SCN8A: variants seen among roughly 807,000 people sequenced by gnomAD.
SCN8A encodes sodium voltage-gated channel alpha subunit 8, also known as sodium channel protein type 8 subunit alpha.
Under a neutral mutation model 184.1 loss-of-function variants are expected in SCN8A, and 30 were observed. That is an observed-to-expected ratio of 0.16 (90% CI 0.12 to 0.22). The LOEUF (loss-of-function observed/expected upper bound fraction) is 0.22. Ranked by LOEUF, SCN8A falls within the 10% of genes least tolerant of loss-of-function variation. The pLI, the probability that SCN8A is intolerant of heterozygous loss-of-function variation, is 1.00. For synonymous variants in SCN8A, 852 were observed against 907.0 expected, an observed-to-expected ratio of 0.94 and a Z score of 1.09; for missense variants, 1,057 against 2,498.9, an observed-to-expected ratio of 0.42 and a Z score of 12.30.
In SCN8A at chr12:51,751,606, A is replaced by G. The variant is rs1565910897; in HGVS notation, c.2370+13A>G. ...TGTAGGAAATCTGGTAAGATGGAAC[A>G]CTGTCTCCCGATATTAGGATTGGAA... On this transcript the variant is annotated intron_variant, in intron 14 of 26. Coordinates refer to ENST00000627620, the MANE Select transcript of SCN8A (RefSeq NM_001330260.2). 2.6e-6 allele frequency: 4 copies of G among 1,564,788 alleles called. No individual in the cohort carries two copies. The Admixed American group carries it at 6.7e-5, about 26-fold the overall frequency.
chr12:51,598,596 C>G (rs1329325746), intron 1 of SCN8A, among the ~76,000 whole-genome samples: 1 of 152,146 alleles, frequency 6.6e-6, no homozygotes, highest in Non-Finnish European at 1.5e-5. Flanking sequence ...GCTCTGTTGA[C>G]AGTTTCTCTT....
At chr12:51,780,973 C>T (rs1240200228) in intron 21 of SCN8A, among the ~76,000 whole-genome samples, 1 of 152,166 alleles carries the variant, frequency 6.6e-6, no homozygotes, top group Non-Finnish European at 1.5e-5. Context: ...ATATTGGCCC[C>T]ACCCCCAACA....
chr12:51,679,315 C>T (rs1282158523), intron 2 of SCN8A, among the ~76,000 whole-genome samples: 1 of 152,128 alleles, frequency 6.6e-6, no homozygotes, highest in Middle Eastern at 3.2e-3. Flanking sequence ...TGGACTTAGT[C>T]AGGAACTAAT....
At position 51,808,338 on chromosome 12, in the gene SCN8A, C is replaced by A. The variant is rs775602388; in HGVS notation, c.*909C>A. ...ACAACAAAAAACAAACCCAATCCAACAAGCAGATGGATCCGTTGCGTGTAT... is the reference window on the plus strand; with the variant it reads ...ACAACAAAAAACAAACCCAATCCAAAAAGCAGATGGATCCGTTGCGTGTAT... On this transcript the variant is annotated 3_prime_UTR_variant, in exon 27 of 27. Coordinates refer to ENST00000627620, the MANE Select transcript of SCN8A (RefSeq NM_001330260.2). The A allele has an allele frequency of 6.6e-6, 1 of 152,630 alleles. No individual in the cohort carries two copies. The highest frequency in any genetic ancestry group is 1.5e-5 in the Non-Finnish European group (1 of 68,060). The allele number at this position is 152,630 out of a possible 1,614,324, so 9.5% of individuals were successfully genotyped here. A position where few individuals can be genotyped will look rare whatever the true frequency, so the allele number is the denominator to read the frequency against.
intron 1 of SCN8A, among the ~76,000 whole-genome samples, chr12:51,643,661 G>A (rs1222873745): frequency 6.6e-6 from 1 of 152,160 alleles, no homozygotes; most frequent in Non-Finnish European, 1.5e-5. Context: ...AGGTGGACTT[G>A]AGGCTCATTC....
chr12:51,801,830 G>A (rs982677710), intron 26 of SCN8A, among the ~76,000 whole-genome samples: 3 of 152,110 alleles, frequency 2.0e-5, no homozygotes, highest in South Asian at 2.1e-4. Flanking sequence ...TGAGGGGGGC[G>A]GATCACTTGA....
intron 15 of SCN8A, among the ~76,000 whole-genome samples, chr12:51,763,751 G>T (rs1286113136): frequency 1.3e-5 from 2 of 152,130 alleles, no homozygotes; most frequent in East Asian, 3.8e-4. Flanking sequence ...TTATCCTGGG[G>T]GTATCCCACT....
intron 1 of SCN8A, among the ~76,000 whole-genome samples, chr12:51,602,688 A>G (rs1321876421): frequency 1.3e-5 from 2 of 152,186 alleles, no homozygotes; most frequent in Non-Finnish European, 2.9e-5. Context: ...CAGATTTTGG[A>G]CAAGAGGGTA....
chr12:51,722,230 GT>G, intron 12 of SCN8A: 1 of 457,244 alleles, frequency 2.2e-6, no homozygotes, highest in Non-Finnish European at 3.9e-6. Context: ...TTATTTTACC[GT>G]TTTCTTTCTC....
chr12:51,780,625 TTTTTCTCTTC>T lies in SCN8A; in HGVS notation c.3820-22_3820-13del, dbSNP rs1937889055. On this transcript the variant is annotated splice_polypyrimidine_tract_variant and intron_variant, in intron 20 of 26. Coordinates refer to ENST00000627620, the MANE Select transcript of SCN8A (RefSeq NM_001330260.2). ...TTTTTGGTTACCTTTTTTGTTTTTG[TTTTTCTCTTC>T]TGTTTCTGTGTAGGTCTCTTTAGTC... The T allele has an allele frequency of 7.8e-7, 1 of 1,289,478 alleles. No individual in the cohort carries two copies. The highest frequency in any genetic ancestry group is 1.0e-6 in the Non-Finnish European group (1 of 980,080). 79.9% of individuals were successfully genotyped at this position (1,289,478 alleles called of 1,614,324 possible).
In SCN8A at chr12:51,806,394, G is replaced by T; in HGVS notation, c.4908G>T (p.Gly1636=). The T allele has an allele frequency of 6.2e-7, 1 of 1,611,494 alleles. No individual in the cohort carries two copies. Among genetic ancestry groups the T allele is most frequent in the Admixed American group, 1.7e-5 (1 of 59,960 alleles). The change falls in exon 27 of 27, where the codon GGG becomes GGT. Residue 1636 remains glycine, a synonymous_variant. Coordinates refer to ENST00000627620, the MANE Select transcript of SCN8A (RefSeq NM_001330260.2). This position sits in a 1 kb window ranked among gnomAD's most constrained non-coding sequence, Gnocchi z 8.7. ...TGCGTCTGATCAAAGGCGCCAAAGGGATTCGTACCCTGCTCTTTGCCTTAA... is the reference window on the plus strand; with the variant it reads ...TGCGTCTGATCAAAGGCGCCAAAGGTATTCGTACCCTGCTCTTTGCCTTAA... ...RILRLIKGAK[G]IRTLLFALMM... is the part of the protein sequence containing the mutation.
Position 51,699,601 on chromosome 12 carries a change from G to C in SCN8A, c.738G>C (p.Gln246His). Reference protein sequence around the residue: ...GLKTIVGALIQSVKKLSDVMI... With the variant: ...GLKTIVGALIHSVKKLSDVMI... ...AGACAATTGTGGGTGCCCTGATTCA[G>C]TCTGTGAAGAAACTGTCAGATGTGA... Residue 246 changes from glutamine to histidine, a missense_variant, in exon 7 of 27, where the codon CAG becomes CAC. Gln to His is a conservative substitution (Grantham distance 24). Transcript: ENST00000627620. The C allele has an allele frequency of 6.2e-7, 1 of 1,614,000 alleles. No homozygotes were observed.
intron 26 of SCN8A, among the ~76,000 whole-genome samples, chr12:51,798,296 A>C (rs545662006): frequency 1.3e-5 from 2 of 152,348 alleles, no homozygotes; most frequent in African/African-American, 2.4e-5. Context: ...GCTGTGTGGA[A>C]TACCATGATG....
intron 2 of SCN8A, among the ~76,000 whole-genome samples, chr12:51,675,077 T>G (rs972783612): frequency 3.9e-5 from 6 of 152,222 alleles, no homozygotes; most frequent in Non-Finnish European, 7.3e-5. Context: ...CATTTTGCTC[T>G]TGCTTAGAGC....
intron 20 of SCN8A, chr12:51,780,324 A>C: frequency 2.6e-6 from 1 of 389,652 alleles, no homozygotes. Flanking sequence ...GAACTTCCTC[A>C]CTCTCTCCCT....
At position 51,806,145 on chromosome 12, in the gene SCN8A, G is replaced by A. The variant is rs374384242; in HGVS notation, c.4796-137G>A. On this transcript the variant is annotated intron_variant, in intron 26 of 26. Transcript: ENST00000627620. The surrounding 1 kb of genome is among the most constrained non-coding windows in gnomAD (Gnocchi z 8.7). The stretch of plus-strand genomic sequence containing the variant: ...GCCCAGCCAAAATGTCACTTTTTGA[G>A]AGTTCAGACTGAATAGTAAGGCACT... 14 of 782,952 alleles carry A rather than the reference G, an allele frequency of 1.8e-5. No individual in the cohort carries two copies. In the African/African-American group the frequency reaches 1.9e-4, roughly 11 times the overall value. The allele number at this position is 782,952 out of a possible 1,614,324, so 48.5% of individuals were successfully genotyped here. A position where few individuals can be genotyped will look rare whatever the true frequency, so the allele number is the denominator to read the frequency against.
In SCN8A at chr12:51,811,240, A is replaced by T. The variant is rs1329090414; in HGVS notation, c.*3811A>T. On this transcript the variant is annotated 3_prime_UTR_variant, in exon 27 of 27. Coordinates refer to ENST00000627620, the MANE Select transcript of SCN8A (RefSeq NM_001330260.2). ...GAAGAGAAATCAAAGGGGCTCTCGC[A>T]AAGTTCTGGCTAAGAAGGAGAGATT... 6.6e-6 allele frequency: 1 copy of T among 152,200 alleles called. No homozygotes were observed. Among genetic ancestry groups the T allele is most frequent in the Admixed American group, 6.5e-5 (1 of 15,268 alleles). The allele number at this position is 152,200 out of a possible 1,614,324, so 9.4% of individuals were successfully genotyped here.
intron 20 of SCN8A, among the ~76,000 whole-genome samples, chr12:51,774,898 C>T (rs1937639878): frequency 6.6e-6 from 1 of 152,146 alleles, no homozygotes; most frequent in African/African-American, 2.4e-5. Flanking sequence ...ATAAAATACC[C>T]CCTTCTTCCC....
intron 13 of SCN8A, among the ~76,000 whole-genome samples, chr12:51,751,021 C>G (rs1277816567): frequency 6.6e-6 from 1 of 152,162 alleles, no homozygotes; most frequent in Non-Finnish European, 1.5e-5. Context: ...GAGAAATCAG[C>G]TACCTTGCCT....
Sources: gnomAD v4.1 joint callset for allele counts (sites outside exome capture counted in the v4.1 genomes callset) on GRCh38, gnomAD v4.1.1 for gene constraint, Gnocchi (gnomAD v3.1) non-coding constraint, MANE v1.5 for transcripts, NCBI Gene and HGNC (gene_info 2026-07-23, HGNC 2026-07-21) for gene names.